SPAG16: variants seen among roughly 807,000 people sequenced by gnomAD.
The protein encoded by SPAG16 is sperm associated antigen 16, also known as sperm-associated antigen 16 protein.
SPAG16 carries 86 observed loss-of-function variants against 80.4 expected under a neutral mutation model. The ratio of observed to expected loss-of-function variants is 1.07; its 90% CI spans 0.90 to 1.28. The LOEUF is 1.28. SPAG16 is among the 50% of genes most tolerant of loss of function. The pLI is 0.00. For missense variants in SPAG16, 870 were observed against 765.3 expected, an observed-to-expected ratio of 1.14 and a Z score of -1.61; for synonymous variants, 294 against 265.9, an observed-to-expected ratio of 1.11 and a Z score of -1.03.
chr2:214,014,091 T>C lies in SPAG16; in HGVS notation c.1527+14T>C. The C allele has an allele frequency of 6.2e-7, 1 of 1,610,952 alleles. No homozygotes were observed. The highest frequency in any genetic ancestry group is 2.2e-5 in the East Asian group (1 of 44,748). On this transcript the variant is annotated intron_variant, in intron 13 of 15. Transcript: ENST00000331683. ...GATGCAAGAACAGTAAGCAAATCAT[T>C]CACTTTTTTTCCCAGCTTTTGATAA...
chr2:213,826,860 A>G (rs1443024894), intron 10 of SPAG16, among the ~76,000 whole-genome samples: 1 of 151,924 alleles, frequency 6.6e-6, no homozygotes, highest in African/African-American at 2.4e-5. Flanking sequence ...CTATTTTTAT[A>G]TTGGAGTCTA....
At chr2:213,369,984 G>T (rs187249335) in intron 8 of SPAG16, among the ~76,000 whole-genome samples, 85 of 152,260 alleles carry the variant, frequency 5.6e-4, no homozygotes, top group African/African-American at 1.9e-3. Flanking sequence ...TTTATGACGT[G>T]TATCCAACAT....
chr2:213,285,932 T>C (rs2062039810), intron 1 of SPAG16: 2 of 1,287,722 alleles, frequency 1.6e-6, no homozygotes, highest in African/African-American at 3.0e-5. Context: ...ACCAGGCATC[T>C]TGTAATTTTG....
intron 6 of SPAG16, 34 bp from the exon 7 acceptor site, chr2:213,350,494 C>T (rs1370890173): frequency 2.6e-6 from 3 of 1,151,094 alleles, no homozygotes; most frequent in African/African-American, 1.6e-5. Context: ...AACTCAATAA[C>T]CCCTTAAGAT....
chr2:213,633,769 A>G (rs1295317978), intron 10 of SPAG16, among the ~76,000 whole-genome samples: 7 of 152,144 alleles, frequency 4.6e-5, no homozygotes, highest in Non-Finnish European at 8.8e-5. Context: ...CTTTATAATT[A>G]TATGATGACT....
intron 15 of SPAG16, among the ~76,000 whole-genome samples, chr2:214,243,186 A>G (rs545356100): frequency 6.6e-6 from 1 of 152,118 alleles, no homozygotes; most frequent in Non-Finnish European, 1.5e-5. Context: ...GTTTTAATCA[A>G]ATTGACTGTA....
At chr2:213,486,657 A>G (rs2073990421) in intron 9 of SPAG16, among the ~76,000 whole-genome samples, 1 of 152,086 alleles carries the variant, frequency 6.6e-6, no homozygotes, top group African/African-American at 2.4e-5. Context: ...TATTATTGGT[A>G]CTGAGACATA....
chr2:214,405,106 T>C lies in SPAG16; in HGVS notation c.1721-5034T>C, dbSNP rs1244018531. ...AAGAGGCCCCAAAGTGTGACACTTA[T>C]CTGAGTCTTTTTTGCTTATTTTTTG... On this transcript the variant is annotated intron_variant, in intron 15 of 15. Coordinates refer to ENST00000331683, the MANE Select transcript of SPAG16 (RefSeq NM_024532.5). Among the ~76,000 whole-genome samples the C allele has an allele frequency of 3.3e-5, 5 of 152,242 alleles. No homozygotes were observed. The South Asian group carries it at 6.2e-4, about 19-fold the overall frequency.
intron 13 of SPAG16, among the ~76,000 whole-genome samples, chr2:214,037,853 C>T (rs2048783418): frequency 6.9e-6 from 1 of 144,778 alleles, no homozygotes; most frequent in South Asian, 2.2e-4. Flanking sequence ...TGTTATTATT[C>T]CCAGAAGCCT....
At chr2:214,353,636 T>C (rs533207208) in intron 15 of SPAG16, among the ~76,000 whole-genome samples, 1 of 152,158 alleles carries the variant, frequency 6.6e-6, no homozygotes, top group Admixed American at 6.6e-5. Flanking sequence ...ATGTGGTGTT[T>C]AATCACCCAG....
Position 213,317,211 on chromosome 2 carries a change from T to C in SPAG16, c.399-8T>C. ...TGATATAAACCCTTTTGTTTGATTT[T>C]ATCCTAGGTATGAGTTAATACAGAA... On this transcript the variant is annotated splice_polypyrimidine_tract_variant and splice_region_variant and intron_variant, in intron 4 of 15. Coordinates refer to ENST00000331683, the MANE Select transcript of SPAG16 (RefSeq NM_024532.5). The C allele has an allele frequency of 6.5e-7, 1 of 1,545,420 alleles. No individual in the cohort carries two copies. Among genetic ancestry groups the C allele is most frequent in the African/African-American group, 1.4e-5 (1 of 72,360 alleles).
At chr2:213,357,844 C>A (rs1178730398) in intron 7 of SPAG16, among the ~76,000 whole-genome samples, 1 of 152,212 alleles carries the variant, frequency 6.6e-6, no homozygotes, top group Non-Finnish European at 1.5e-5. Flanking sequence ...GCAGTTTCTT[C>A]ATAGCATTGA....
chr2:213,795,169 T>C (rs532441422), intron 10 of SPAG16, among the ~76,000 whole-genome samples: 5 of 152,316 alleles, frequency 3.3e-5, no homozygotes, highest in African/African-American at 1.2e-4. Context: ...ATGTGGTAGT[T>C]GTGAGATAAA....
chr2:214,086,676 T>C (rs1323541476), intron 13 of SPAG16, among the ~76,000 whole-genome samples: 1 of 152,168 alleles, frequency 6.6e-6, no homozygotes, highest in African/African-American at 2.4e-5. Context: ...CCTTTATAAA[T>C]TACCCAGTCT....
At chr2:213,551,843 C>T (rs1311988055) in intron 10 of SPAG16, among the ~76,000 whole-genome samples, 3 of 152,154 alleles carry the variant, frequency 2.0e-5, no homozygotes, top group Non-Finnish European at 4.4e-5. Context: ...ATGCCAGAAC[C>T]TTGCCTATCA....
At chr2:213,317,597 T>A in intron 5 of SPAG16, 1 of 1,140,810 alleles carries the variant, frequency 8.8e-7, no homozygotes, top group Non-Finnish European at 1.1e-6. Context: ...GTACATTTTT[T>A]ATATAACATT....
At chr2:213,339,089 G>A (rs1418335664) in intron 5 of SPAG16, among the ~76,000 whole-genome samples, 1 of 151,744 alleles carries the variant, frequency 6.6e-6, no homozygotes, top group African/African-American at 2.4e-5. Flanking sequence ...TGCACCATAT[G>A]CCTCATGTAA....
intron 3 of SPAG16, among the ~76,000 whole-genome samples, chr2:213,300,234 A>T (rs2062680528): frequency 6.6e-6 from 1 of 151,898 alleles, no homozygotes; most frequent in African/African-American, 2.4e-5. Context: ...TCCTCCTGCT[A>T]CCCCTTTTCC....
intron 13 of SPAG16, among the ~76,000 whole-genome samples, chr2:214,039,048 G>T (rs2125082975): frequency 6.6e-6 from 1 of 152,234 alleles, no homozygotes; most frequent in African/African-American, 2.4e-5. Context: ...AATCCTTTGG[G>T]TATATACCTA....
Sources: allele counts gnomAD v4.1 joint callset (sites outside exome capture counted in the v4.1 genomes callset), GRCh38; gene constraint gnomAD v4.1.1; transcripts MANE v1.5; gene names NCBI Gene and HGNC (gene_info 2026-07-23, HGNC 2026-07-21).